The following CRISPLD2 variants were observed in gnomAD, a reference collection of about 807,000 sequenced individuals.
CRISPLD2 encodes cysteine rich secretory protein LCCL domain containing 2.
In CRISPLD2, 47 loss-of-function variants were observed where a neutral mutation model predicts 71.1. The ratio of observed to expected loss-of-function variants is 0.66; its 90% CI spans 0.52 to 0.84. The LOEUF (loss-of-function observed/expected upper bound fraction) is 0.84, where lower values mean the gene tolerates loss of function less well. Ranked by LOEUF, CRISPLD2 falls within the 40% of genes least tolerant of loss-of-function variation. The pLI, the probability that CRISPLD2 is intolerant of heterozygous loss-of-function variation, is 0.00. For missense variants in CRISPLD2, 830 were observed against 651.1 expected (o/e 1.27, Z -2.99); for synonymous variants, 317 against 250.1 (o/e 1.27, Z -2.52).
chr16:84,873,258 A>G (rs2071487921), intron 10 of CRISPLD2, 136 bp downstream of exon 10: 3 of 978,120 alleles, frequency 3.1e-6, no homozygotes, highest in Non-Finnish European at 2.9e-6. Flanking sequence ...CAGGTGGATC[A>G]CCTGAGGTCA....
At chr16:84,881,395 G>C (rs1321231833) in intron 13 of CRISPLD2, among the ~76,000 whole-genome samples, 1 of 152,112 alleles carries the variant, frequency 6.6e-6, no homozygotes, top group African/African-American at 2.4e-5. Flanking sequence ...GCTTTAGCCC[G>C]GTTTTTCTTA....
intron 14 of CRISPLD2, among the ~76,000 whole-genome samples, chr16:84,892,059 A>G (rs2071667745): frequency 6.6e-6 from 1 of 152,132 alleles, no homozygotes; most frequent in African/African-American, 2.4e-5. Flanking sequence ...GGCATCTGTG[A>G]TAATGCTTGG....
At chr16:84,826,163 G>T (rs548724834) in intron 1 of CRISPLD2, among the ~76,000 whole-genome samples, 1 of 152,198 alleles carries the variant, frequency 6.6e-6, no homozygotes, top group Non-Finnish European at 1.5e-5. Flanking sequence ...CTGGCTACTG[G>T]GGTCAGCGTG....
At chr16:84,902,126 GGGGT>G (rs2143388533) in intron 14 of CRISPLD2, among the ~76,000 whole-genome samples, 1 of 152,102 alleles carries the variant, frequency 6.6e-6, no homozygotes, top group South Asian at 2.1e-4. Flanking sequence ...ACAACGCTTT[GGGGT>G]CTACAAGGCG....
At chr16:84,898,650 C>G (rs1051581546) in intron 14 of CRISPLD2, among the ~76,000 whole-genome samples, 1 of 152,192 alleles carries the variant, frequency 6.6e-6, no homozygotes, top group Non-Finnish European at 1.5e-5. Flanking sequence ...TGTTTTGCTA[C>G]TTCTCACCCC....
At chr16:84,891,213 T>C (rs1324704763) in intron 14 of CRISPLD2, among the ~76,000 whole-genome samples, 3 of 152,236 alleles carry the variant, frequency 2.0e-5, no homozygotes, top group Admixed American at 6.5e-5. Context: ...AGGGACGTTC[T>C]TTAGAGAAGG....
intron 4 of CRISPLD2, 135 bp downstream of exon 4, chr16:84,849,652 C>G (rs1445838453): frequency 3.4e-6 from 3 of 881,220 alleles, no homozygotes; most frequent in Non-Finnish European, 5.2e-6. Flanking sequence ...CAGTTCTATA[C>G]AGAGTACAGC....
At chr16:84,867,279 A>G (rs929407044) in intron 7 of CRISPLD2, among the ~76,000 whole-genome samples, 1 of 152,236 alleles carries the variant, frequency 6.6e-6, no homozygotes, top group African/African-American at 2.4e-5. Context: ...CCCCACACCC[A>G]GGCAGGTATT....
rs1546124 is a variant in CRISPLD2 at position 84,838,445 on chromosome 16, G to C, written c.-51G>C. 1,074,159 of 1,584,088 alleles carry C rather than the reference G, an allele frequency of 0.68. 366,443 individuals carry two copies. Among genetic ancestry groups the C allele is most frequent in the African/African-American group, 0.75 (55,912 of 74,456 alleles). On this transcript the variant is annotated 5_prime_UTR_variant, in exon 2 of 15. Transcript: ENST00000262424. Reference sequence around the variant, plus strand: ...AGAGCTCAAGCGCCCAGCTCTGCCCGAGGAGCCCAGGCTGCCCCGTGAGTC... The same window carrying C: ...AGAGCTCAAGCGCCCAGCTCTGCCCCAGGAGCCCAGGCTGCCCCGTGAGTC...
At chr16:84,838,761 G>C (rs1443260060) in intron 2 of CRISPLD2, 26 bp downstream of exon 2, 1 of 1,598,438 alleles carries the variant, frequency 6.3e-7, no homozygotes, top group African/African-American at 1.3e-5. Flanking sequence ...GGCCGCAGAG[G>C]CTGGCACCGG....
intron 2 of CRISPLD2, among the ~76,000 whole-genome samples, chr16:84,844,027 T>A (rs1180696809): frequency 6.6e-6 from 1 of 152,172 alleles, no homozygotes; most frequent in Non-Finnish European, 1.5e-5. Context: ...CGGGGCTGGG[T>A]GTGCAGAGGG....
chr16:84,847,231 C>T (rs186594448), intron 3 of CRISPLD2, among the ~76,000 whole-genome samples: 3 of 152,340 alleles, frequency 2.0e-5, no homozygotes, highest in East Asian at 3.9e-4. Context: ...GGCAGCCGCA[C>T]CTTCCTCTGC....
At chr16:84,879,590 G>A (rs1281375826) in intron 12 of CRISPLD2, among the ~76,000 whole-genome samples, 6 of 151,972 alleles carry the variant, frequency 3.9e-5, no homozygotes, top group African/African-American at 1.5e-4. Flanking sequence ...TCGAACTCCC[G>A]ACCTCAGGTG....
chr16:84,901,013 G>GCACACACA (rs3222775), intron 14 of CRISPLD2, among the ~76,000 whole-genome samples: 7 of 140,100 alleles, frequency 5.0e-5, no homozygotes, highest in African/African-American at 1.8e-4. Flanking sequence ...TGGTGTCACT[G>GCACACACA]CACACACACA....
chr16:84,889,308 G>C lies in CRISPLD2; in HGVS notation c.1384G>C (p.Val462Leu), dbSNP rs374721152. ...TGGGGGTGACGTGGACGTGATGCCC[G>C]TGGATAAAAAGAAGACCTACGTGGG... Reference protein sequence around the residue: ...ESGGDVDVMPVDKKKTYVGSL... With the variant: ...ESGGDVDVMPLDKKKTYVGSL... Residue 462 changes from valine (V) to leucine (L), a missense_variant, in exon 14 of 15, where the codon GTG (valine) becomes CTG (leucine). By Grantham distance (32) the Val-to-Leu change is conservative (BLOSUM62 1). Coordinates refer to ENST00000262424, the MANE Select transcript of CRISPLD2 (RefSeq NM_031476.4). 5.6e-6 allele frequency: 9 copies of C among 1,613,974 alleles called. No individual in the cohort carries two copies. In the South Asian group the frequency reaches 8.8e-5, roughly 16 times the overall value.
intron 4 of CRISPLD2, 117 bp downstream of exon 4, chr16:84,849,634 T>A: frequency 2.6e-6 from 3 of 1,157,396 alleles, no homozygotes; most frequent in Non-Finnish European, 3.7e-6. Flanking sequence ...CCTTCATTTT[T>A]AAAAATTCAG....
intron 14 of CRISPLD2, among the ~76,000 whole-genome samples, chr16:84,903,118 G>T (rs1228209062): frequency 6.6e-6 from 1 of 152,026 alleles, no homozygotes; most frequent in Non-Finnish European, 1.5e-5. Context: ...ACCTAGCAGG[G>T]TGACTCCGAT....
intron 3 of CRISPLD2, among the ~76,000 whole-genome samples, chr16:84,846,900 G>C (rs1916929853): frequency 1.3e-5 from 2 of 152,244 alleles, no homozygotes; most frequent in South Asian, 2.1e-4. Flanking sequence ...GCTGGACCAT[G>C]TATCCGTGCT....
intron 6 of CRISPLD2, among the ~76,000 whole-genome samples, chr16:84,856,667 C>G (rs920787704): frequency 1.3e-5 from 2 of 152,182 alleles, no homozygotes; most frequent in African/African-American, 4.8e-5. Context: ...TGAGGGCATA[C>G]ATGGCCTTCT....
Sources: allele counts gnomAD v4.1 joint callset (sites outside exome capture counted in the v4.1 genomes callset), GRCh38; gene constraint gnomAD v4.1.1; transcripts MANE v1.5; gene names NCBI Gene and HGNC (gene_info 2026-07-23, HGNC 2026-07-21).